Variants in DLGAP2 observed in about 807,000 individuals in gnomAD.
DLGAP2 encodes the protein DLG associated protein 2.
Under a neutral mutation model 100.3 loss-of-function variants are expected in DLGAP2, and 26 were observed. The ratio of observed to expected loss-of-function variants is 0.26; its 90% CI spans 0.19 to 0.36. The LOEUF (loss-of-function observed/expected upper bound fraction) is 0.36. DLGAP2 is among the 10% of genes least tolerant of loss of function. The probability of loss-of-function intolerance (pLI) is 1.00; values close to 1 mark genes in which losing one functional copy is unlikely to be tolerated. For synonymous variants in DLGAP2, 886 were observed against 630.1 expected (o/e 1.41, Z -6.08); for missense variants, 1,858 against 1,453.2 (o/e 1.28, Z -4.53).
intron 3 of DLGAP2, among the ~76,000 whole-genome samples, chr8:1,489,972 A>G (rs542423191): frequency 1.1e-3 from 170 of 151,998 alleles, no homozygotes; most frequent in Admixed American, 2.0e-3. Context: ...GCTCACTGCA[A>G]CCTCCACCTC....
intron 3 of DLGAP2, among the ~76,000 whole-genome samples, chr8:1,344,021 C>T (rs189982230): frequency 4.6e-5 from 7 of 151,742 alleles, no homozygotes; most frequent in East Asian, 3.9e-4. Context: ...CAGATGTTTC[C>T]GGTTCATTCA....
chr8:1,600,987 T>A lies in DLGAP2; in HGVS notation c.1443-25753T>A, dbSNP rs143900756. ...GGAATTTTCAACCTTGTTGTGCTGG[T>A]TTTTCCTCATCTTCATGGATTTATC... On this transcript the variant is annotated intron_variant, in intron 6 of 14. Coordinates refer to ENST00000637795, the MANE Select transcript of DLGAP2 (RefSeq NM_001346810.2). 6.6e-3 allele frequency among the ~76,000 whole-genome samples: 998 copies of A among 152,304 alleles called. 9 individuals are homozygous for A. Among genetic ancestry groups the A allele is most frequent in the African/African-American group, 0.023 (939 of 41,560 alleles).
chr8:1,449,574 C>A (rs542935407), intron 3 of DLGAP2, among the ~76,000 whole-genome samples: 2 of 152,130 alleles, frequency 1.3e-5, no homozygotes, highest in African/African-American at 2.4e-5. Context: ...ACCCAGACCC[C>A]GTTCCTGAGC....
chr8:1,415,745 C>A (rs1796865779), intron 3 of DLGAP2, among the ~76,000 whole-genome samples: 1 of 152,164 alleles, frequency 6.6e-6, no homozygotes, highest in East Asian at 1.9e-4. Context: ...CATGTTTTTG[C>A]TATTGCGAAC....
intron 8 of DLGAP2, among the ~76,000 whole-genome samples, chr8:1,635,026 A>G (rs536307098): frequency 1.3e-5 from 2 of 152,226 alleles, no homozygotes; most frequent in Non-Finnish European, 2.9e-5. Flanking sequence ...ACATCTGAGA[A>G]TCAAATGAGA....
Position 1,624,294 on chromosome 8 carries a change from G to C in DLGAP2, c.1443-2446G>C, listed in dbSNP as rs1000679693. ...GCAATCTCAAGGAAGCATGGAAGGA[G>C]AGCAGAAGTGCGGGAAGTTTACATT... is the stretch of plus-strand genomic sequence containing the variant. On this transcript the variant is annotated intron_variant, in intron 6 of 14. Coordinates refer to ENST00000637795, the MANE Select transcript of DLGAP2 (RefSeq NM_001346810.2). Among the ~76,000 whole-genome samples the C allele has an allele frequency of 3.9e-5, 6 of 152,244 alleles. No homozygotes were observed. The East Asian group carries it at 1.2e-3, about 29-fold the overall frequency.
rs372460880 is a variant in DLGAP2 at position 1,632,904 on chromosome 8, G to A, written c.1668G>A (p.Met556Ile). ...TCAGTGAAGTTGAATCTCAGGCCAT[G>A]GATGCCCTCGACCTCCCGGGATGTT... ...SVFSEVESQAMDALDLPGCFR... is the reference protein window; with the variant it reads ...SVFSEVESQAIDALDLPGCFR... The change falls in exon 8 of 15, where the codon ATG becomes ATA. Residue 556 changes from methionine to isoleucine, a missense_variant. By Grantham distance (10) the Met-to-Ile change is conservative. Coordinates refer to ENST00000637795, the MANE Select transcript of DLGAP2 (RefSeq NM_001346810.2). 1 of 1,613,842 alleles carries A rather than the reference G, an allele frequency of 6.2e-7. No individual in the cohort carries two copies. Among genetic ancestry groups the A allele is most frequent in the African/African-American group, 1.3e-5 (1 of 74,894 alleles).
chr8:1,452,225 G>C (rs1028831729), intron 3 of DLGAP2, among the ~76,000 whole-genome samples: 2 of 147,718 alleles, frequency 1.4e-5, no homozygotes, highest in Non-Finnish European at 2.9e-5. Flanking sequence ...CTGTGGCTGG[G>C]TGTTCTGTGG....
At chr8:1,617,023 T>G (rs1416141170) in intron 6 of DLGAP2, among the ~76,000 whole-genome samples, 1 of 152,240 alleles carries the variant, frequency 6.6e-6, no homozygotes, top group East Asian at 1.9e-4. Context: ...CTAAGGATAA[T>G]GGCCTCCAGC....
chr8:1,282,985 A>G (rs1450507251), intron 3 of DLGAP2, among the ~76,000 whole-genome samples: 2 of 125,930 alleles, frequency 1.6e-5, no homozygotes, highest in East Asian at 5.4e-4. Context: ...TGTGACCTGA[A>G]TCCAGCCCCC....
chr8:1,450,780 C>G (rs1478898327), intron 3 of DLGAP2, among the ~76,000 whole-genome samples: 2 of 152,090 alleles, frequency 1.3e-5, no homozygotes, highest in Admixed American at 1.3e-4. Flanking sequence ...TCAACGTTCC[C>G]AAGCCTGGGA....
intron 3 of DLGAP2, among the ~76,000 whole-genome samples, chr8:1,331,044 G>A (rs555430269): frequency 1.6e-4 from 24 of 152,140 alleles, no homozygotes; most frequent in South Asian, 8.3e-4. Context: ...TCACAGGAGC[G>A]TGAAGAGACT....
intron 2 of DLGAP2, among the ~76,000 whole-genome samples, chr8:985,312 A>G (rs758461189): frequency 9.9e-5 from 15 of 152,238 alleles, no homozygotes; most frequent in African/African-American, 3.1e-4. Context: ...CACTGTTGGC[A>G]TGGTGGGTAC....
intron 3 of DLGAP2, among the ~76,000 whole-genome samples, chr8:1,287,460 T>A: frequency 9.1e-6 from 1 of 110,452 alleles, no homozygotes; most frequent in Non-Finnish European, 1.8e-5. Context: ...GGGGAACTAG[T>A]TTCGGTTCAG....
At chr8:1,309,816 C>T (rs900023913) in intron 3 of DLGAP2, among the ~76,000 whole-genome samples, 3 of 152,178 alleles carry the variant, frequency 2.0e-5, no homozygotes, top group Admixed American at 6.5e-5. Context: ...TGTGACAGGC[C>T]GGGCGCCGTG....
intron 1 of DLGAP2, among the ~76,000 whole-genome samples, chr8:759,296 C>T (rs111507181): frequency 4.1e-5 from 6 of 147,476 alleles, no homozygotes; most frequent in African/African-American, 1.6e-4. Context: ...CAATACCCCC[C>T]ACAGCCTCCC....
At chr8:1,626,053 G>A (rs1797485803) in intron 6 of DLGAP2, among the ~76,000 whole-genome samples, 1 of 109,258 alleles carries the variant, frequency 9.2e-6, no homozygotes, top group Admixed American at 9.1e-5. Context: ...GTGTGGGTTG[G>A]ATGGCTTTCC....
In DLGAP2 at chr8:1,026,067, C is replaced by T. The variant is rs538428763; in HGVS notation, c.73+118101C>T. On this transcript the variant is annotated intron_variant, in intron 2 of 14. Transcript: ENST00000637795. Reference sequence around the variant, plus strand: ...CCGCCTCCAGCACCACCATGCACTTCGTCCCGGCTTCCAGGAGCCCTGGCA... The same window carrying T: ...CCGCCTCCAGCACCACCATGCACTTTGTCCCGGCTTCCAGGAGCCCTGGCA... 3.3e-5 allele frequency among the ~76,000 whole-genome samples: 5 copies of T among 152,322 alleles called. No homozygotes were observed. In the South Asian group the frequency reaches 6.2e-4, roughly 19 times the overall value.
chr8:1,257,700 G>A (rs536582039), intron 2 of DLGAP2, among the ~76,000 whole-genome samples: 15 of 151,380 alleles, frequency 9.9e-5, no homozygotes, highest in African/African-American at 2.4e-4. Flanking sequence ...CAGTGCTGGC[G>A]TGGAAGAGCC....
Sources: allele counts gnomAD v4.1 joint callset (sites outside exome capture counted in the v4.1 genomes callset), GRCh38; gene constraint gnomAD v4.1.1; transcripts MANE v1.5; gene names NCBI Gene and HGNC (gene_info 2026-07-23, HGNC 2026-07-21).